Variants in KLF17 observed in about 807,000 individuals in gnomAD.
KLF17 encodes the protein Krueppel-like factor 17.
Under a neutral mutation model 34.2 loss-of-function variants are expected in KLF17, and 31 were observed. The ratio of observed to expected loss-of-function variants is 0.91; its 90% CI spans 0.68 to 1.22. The LOEUF is 1.22. KLF17 is among the 50% of genes most tolerant of loss of function. The pLI is 0.00. For synonymous variants in KLF17, 179 were observed against 186.7 expected (o/e 0.96, Z 0.34); for missense variants, 478 against 505.2 (o/e 0.95, Z 0.52).
At chr1:44,111,710 G>A in the KLF17 span, among the ~76,000 whole-genome samples, 250 of 151,964 alleles carry the variant, frequency 1.6e-3, 3 homozygotes, top group Middle Eastern at 0.017. Context: ...TGGCTTACAC[G>A]GTGAAACCCC....
the KLF17 span, chr1:44,103,618 C>T: frequency 1.2e-6 from 2 of 1,609,438 alleles, no homozygotes; most frequent in Non-Finnish European, 1.7e-6. Flanking sequence ...ATCTCGATCT[C>T]GATGTCCAGG....
At position 44,122,332 on chromosome 1, in the gene KLF17, G is replaced by A. The variant is rs191891301; in HGVS notation, c.81+3344G>A. ...ATAAAATACCGAATGTTATTTCCTC[G>A]AATACTCAGCGTTTCCAGCTGTACA... On this transcript the variant is annotated intron_variant, in intron 1 of 3. Transcript: ENST00000372299. The A allele has an allele frequency of 3.7e-4, 593 of 1,602,818 alleles. 2 individuals carry two copies. In the African/African-American group the frequency reaches 7.0e-3, roughly 19 times the overall value.
the KLF17 span, among the ~76,000 whole-genome samples, chr1:44,049,777 C>G: frequency 2.8e-4 from 42 of 152,304 alleles, no homozygotes; most frequent in African/African-American, 8.7e-4. Context: ...GCCGCCGTAC[C>G]CGGCCTATGT....
the KLF17 span, among the ~76,000 whole-genome samples, chr1:44,072,752 G>A: frequency 6.6e-6 from 1 of 151,880 alleles, no homozygotes; most frequent in South Asian, 2.1e-4. Flanking sequence ...TAGTAGATGC[G>A]GGCACCAAGG....
chr1:44,109,928 G>C, the KLF17 span, among the ~76,000 whole-genome samples: 1 of 139,954 alleles, frequency 7.1e-6, no homozygotes, highest in African/African-American at 2.7e-5. Flanking sequence ...TTGCGGGGGG[G>C]ACAGAGTCTC....
the KLF17 span, chr1:44,103,619 G>C: frequency 6.2e-7 from 1 of 1,609,220 alleles, no homozygotes; most frequent in Non-Finnish European, 8.5e-7. Flanking sequence ...TCTCGATCTC[G>C]ATGTCCAGGG....
chr1:44,128,763 A>G (rs1472501171), intron 1 of KLF17, among the ~76,000 whole-genome samples: 1 of 152,184 alleles, frequency 6.6e-6, no homozygotes, highest in African/African-American at 2.4e-5. Flanking sequence ...CTGTAATCCC[A>G]GCACTTTGGG....
chr1:44,074,841 A>T, the KLF17 span: 1 of 152,152 alleles, frequency 6.6e-6, no homozygotes, highest in Non-Finnish European at 1.5e-5. Context: ...ATATCAGGAA[A>T]CCCTGGAACA....
At chr1:44,127,692 T>TTTCTTTC (rs1553171671) in intron 1 of KLF17, among the ~76,000 whole-genome samples, 5 of 90,136 alleles carry the variant, frequency 5.5e-5, no homozygotes, top group South Asian at 4.5e-4. Context: ...CTTTCTTTCT[T>TTTCTTTC]TTTCTTTCTT....
chr1:44,131,799 A>G (rs1053119933), intron 3 of KLF17, among the ~76,000 whole-genome samples: 2 of 152,150 alleles, frequency 1.3e-5, no homozygotes. Flanking sequence ...GGTTCAAACG[A>G]TTCTCCTGCT....
chr1:44,067,373 G>C, the KLF17 span, among the ~76,000 whole-genome samples: 1 of 152,194 alleles, frequency 6.6e-6, no homozygotes, highest in Non-Finnish European at 1.5e-5. Flanking sequence ...TATTGTGGTT[G>C]ATGTAGCATC....
upstream of KLF17, among the ~76,000 whole-genome samples, chr1:44,116,343 G>A (rs1196096379): frequency 1.3e-5 from 2 of 152,124 alleles, no homozygotes; most frequent in Non-Finnish European, 2.9e-5. Context: ...AAATGTCCCT[G>A]CTCTCACTAA....
chr1:44,105,762 G>A, the KLF17 span, among the ~76,000 whole-genome samples: 133,355 of 152,110 alleles, frequency 0.88, 58,886 homozygotes, highest in Non-Finnish European at 0.93. Flanking sequence ...AGTAGGTCCC[G>A]GGGAAGGACC....
the KLF17 span, chr1:44,103,600 A>G: frequency 2.1e-5 from 33 of 1,603,142 alleles, no homozygotes; most frequent in Non-Finnish European, 2.2e-5. Context: ...AGCTTCCTGT[A>G]GGTGGCGATC....
chr1:44,106,286 C>T, the KLF17 span, among the ~76,000 whole-genome samples: 1 of 152,290 alleles, frequency 6.6e-6, no homozygotes, highest in East Asian at 1.9e-4. Flanking sequence ...TCTGTCCATC[C>T]TCAGATTCTT....
chr1:44,125,166 G>A (rs2087993495), intron 1 of KLF17, among the ~76,000 whole-genome samples: 1 of 152,120 alleles, frequency 6.6e-6, no homozygotes, highest in South Asian at 2.1e-4. Flanking sequence ...CTACTATCTA[G>A]TGTCATTTCA....
chr1:44,055,690 C>A, the KLF17 span, among the ~76,000 whole-genome samples: 1 of 152,260 alleles, frequency 6.6e-6, no homozygotes, highest in African/African-American at 2.4e-5. Context: ...TACCCCCATT[C>A]CAGGTTATTT....
chr1:44,111,611 A>C, the KLF17 span, among the ~76,000 whole-genome samples: 1 of 152,088 alleles, frequency 6.6e-6, no homozygotes, highest in Non-Finnish European at 1.5e-5. Context: ...ACTGTGGTGC[A>C]TTTATCAAAA....
chr1:44,127,639 C>CTTTCTTTCT (rs1553171634), intron 1 of KLF17, among the ~76,000 whole-genome samples: 1 of 77,346 alleles, frequency 1.3e-5, no homozygotes, highest in African/African-American at 5.1e-5. Flanking sequence ...CTTTTCTTTC[C>CTTTCTTTCT]TTCTTTCTTT....
Sources: gnomAD v4.1 joint callset for allele counts (sites outside exome capture counted in the v4.1 genomes callset) on GRCh38, gnomAD v4.1.1 for gene constraint, MANE v1.5 for transcripts, NCBI Gene and HGNC (gene_info 2026-07-23, HGNC 2026-07-21) for gene names.